BMPR1B: variants seen among roughly 807,000 people sequenced by gnomAD.
BMPR1B encodes bone morphogenetic protein receptor type-1B.
Under a neutral mutation model 59.1 loss-of-function variants are expected in BMPR1B, and 12 were observed. The observed-to-expected ratio is 0.20, with a 90% CI of 0.13 to 0.33. The LOEUF is 0.33. Among genes scored for constraint, BMPR1B ranks in the 10% least tolerant of loss-of-function variants. BMPR1B has a pLI of 1.00. For synonymous variants in BMPR1B, 237 were observed against 207.3 expected, an observed-to-expected ratio of 1.14 and a Z score of -1.23; for missense variants, 550 against 610.9, an observed-to-expected ratio of 0.90 and a Z score of 1.05.
At chr4:95,056,243 G>A (rs770404359) in intron 3 of BMPR1B, among the ~76,000 whole-genome samples, 2 of 152,006 alleles carry the variant, frequency 1.3e-5, no homozygotes, top group Admixed American at 1.3e-4. Context: ...ATATATATTT[G>A]TTGGTTTGGA....
At chr4:94,950,387 T>A (rs1291931227) in intron 2 of BMPR1B, among the ~76,000 whole-genome samples, 5 of 152,198 alleles carry the variant, frequency 3.3e-5, no homozygotes, top group South Asian at 4.1e-4. Flanking sequence ...TGAATGGTAT[T>A]GCCTAGGTTT....
intron 2 of BMPR1B, among the ~76,000 whole-genome samples, chr4:94,969,137 C>T (rs946600479): frequency 7.2e-5 from 11 of 151,928 alleles, no homozygotes; most frequent in Admixed American, 4.6e-4. Flanking sequence ...TGGGTTCAAG[C>T]GATTCTTCTG....
intron 1 of BMPR1B, among the ~76,000 whole-genome samples, chr4:94,783,731 G>A (rs1452525349): frequency 1.3e-5 from 2 of 152,222 alleles, no homozygotes; most frequent in Non-Finnish European, 1.5e-5. Flanking sequence ...TAGGGCACCA[G>A]TATTCTCTGC....
At chr4:94,855,149 T>G (rs973532722) in intron 1 of BMPR1B, among the ~76,000 whole-genome samples, 1 of 152,184 alleles carries the variant, frequency 6.6e-6, no homozygotes, top group Admixed American at 6.5e-5. Context: ...GGAATTCTGG[T>G]TCATATTGAG....
At chr4:94,841,021 C>A (rs188557889) in intron 1 of BMPR1B, among the ~76,000 whole-genome samples, 1 of 147,050 alleles carries the variant, frequency 6.8e-6, no homozygotes, top group African/African-American at 2.5e-5. Context: ...AGTACCCTGC[C>A]GTGTGAGGTG....
intron 4 of BMPR1B, among the ~76,000 whole-genome samples, chr4:95,107,794 G>A (rs941831645): frequency 2.0e-5 from 3 of 152,032 alleles, no homozygotes; most frequent in African/African-American, 7.2e-5. Context: ...GTTCTGAAAG[G>A]AGCAAACATT....
At chr4:94,857,064 T>C (rs932615418) in intron 1 of BMPR1B, among the ~76,000 whole-genome samples, 5 of 151,984 alleles carry the variant, frequency 3.3e-5, no homozygotes, top group African/African-American at 1.2e-4. Context: ...AAGAGTATGC[T>C]TCAGGAACTC....
intron 1 of BMPR1B, among the ~76,000 whole-genome samples, chr4:94,873,934 C>G (rs1480422277): frequency 6.6e-6 from 1 of 152,158 alleles, no homozygotes; most frequent in Non-Finnish European, 1.5e-5. Flanking sequence ...TTCTTTTCTT[C>G]ACGTCCCTGG....
chr4:94,948,032 G>T (rs1729784708), intron 2 of BMPR1B, among the ~76,000 whole-genome samples: 1 of 152,176 alleles, frequency 6.6e-6, no homozygotes, highest in African/African-American at 2.4e-5. Context: ...TCAAGATCCT[G>T]TGATGTGCTT....
In BMPR1B at chr4:94,770,180, G is replaced by GTTTTTTTTTTTTTTTTTTTTTT. The variant is rs1553903537; in HGVS notation, c.-183+12113_-183+12114insTTTTTTTTTTTTTTTTTTTTTT. Among the ~76,000 whole-genome samples, 28 of 106,268 alleles carry GTTTTTTTTTTTTTTTTTTTTTT rather than the reference G, an allele frequency of 2.6e-4. 2 individuals carry two copies. The highest frequency in any genetic ancestry group is 1.1e-3 in the African/African-American group (27 of 24,200). The allele number at this position is 106,268 out of a possible 152,430, so 69.7% of individuals were successfully genotyped here. A position where few individuals can be genotyped will look rare whatever the true frequency, so the allele number is the denominator to read the frequency against. On this transcript the variant is annotated intron_variant, in intron 1 of 12. Coordinates refer to ENST00000515059, the MANE Select transcript of BMPR1B (RefSeq NM_001203.3). ...TTTGTTTGAATTGTCCTTCGTTTCT[G>GTTTTTTTTTTTTTTTTTTTTTT]TGTTTGTTTTTTTTTTTTTTTTTTG...
chr4:94,767,354 A>G (rs533790025), intron 1 of BMPR1B, among the ~76,000 whole-genome samples: 156 of 152,270 alleles, frequency 1.0e-3, no homozygotes, highest in African/African-American at 3.7e-3. Context: ...CTTGTCTTAT[A>G]ATTTTGAGTA....
At chr4:95,154,458 C>T (rs935809528) in intron 12 of BMPR1B, 90 bp from the exon 13 acceptor site, 33 of 1,570,208 alleles carry the variant, frequency 2.1e-5, no homozygotes, top group Non-Finnish European at 2.9e-5. Context: ...AAAATATATT[C>T]AAACTTAATG....
intron 1 of BMPR1B, among the ~76,000 whole-genome samples, chr4:94,870,620 G>C (rs900592238): frequency 4.6e-5 from 7 of 152,156 alleles, no homozygotes; most frequent in African/African-American, 1.7e-4. Flanking sequence ...GTGTTCTACT[G>C]TTTAATTTGA....
chr4:94,788,750 AAG>A (rs1360035429), intron 1 of BMPR1B, among the ~76,000 whole-genome samples: 1 of 152,308 alleles, frequency 6.6e-6, no homozygotes, highest in South Asian at 2.1e-4. Context: ...TGCCTTTCAT[AAG>A]AGAGTGCAAA....
chr4:94,995,586 A>G (rs1380680851), intron 2 of BMPR1B, among the ~76,000 whole-genome samples: 2 of 152,236 alleles, frequency 1.3e-5, no homozygotes, highest in African/African-American at 4.8e-5. Flanking sequence ...AAACAAAGGC[A>G]GTATTTCCTT....
intron 3 of BMPR1B, among the ~76,000 whole-genome samples, chr4:95,036,316 A>G (rs889041212): frequency 6.6e-6 from 1 of 151,938 alleles, no homozygotes; most frequent in Non-Finnish European, 1.5e-5. Context: ...ATTTCTCTCT[A>G]ACTGTTTTTT....
At chr4:94,796,596 G>T (rs746156774) in intron 1 of BMPR1B, among the ~76,000 whole-genome samples, 2 of 152,024 alleles carry the variant, frequency 1.3e-5, no homozygotes, top group African/African-American at 2.4e-5. Flanking sequence ...TGGAATAAGA[G>T]AAATTATTTA....
At chr4:94,865,788 C>T (rs894426155) in intron 1 of BMPR1B, among the ~76,000 whole-genome samples, 2 of 152,030 alleles carry the variant, frequency 1.3e-5, no homozygotes, top group African/African-American at 4.8e-5. Flanking sequence ...TTTTTATTTG[C>T]TAAGAGGAAA....
intron 3 of BMPR1B, among the ~76,000 whole-genome samples, chr4:95,099,119 A>G (rs1730644254): frequency 6.6e-6 from 1 of 152,230 alleles, no homozygotes; most frequent in South Asian, 2.1e-4. Flanking sequence ...ACGTGTAAAC[A>G]TAACACATGA....
Sources: gnomAD v4.1 joint callset for allele counts (sites outside exome capture counted in the v4.1 genomes callset) on GRCh38, gnomAD v4.1.1 for gene constraint, MANE v1.5 for transcripts, NCBI Gene and HGNC (gene_info 2026-07-23, HGNC 2026-07-21) for gene names.